The following GRAMD1B variants were observed in gnomAD, a reference collection of about 807,000 sequenced individuals.
GRAMD1B encodes GRAM domain containing 1B.
In GRAMD1B, 37 loss-of-function variants were observed where a neutral mutation model predicts 99.7. That is an observed-to-expected ratio of 0.37 (90% CI 0.29 to 0.49). The LOEUF (loss-of-function observed/expected upper bound fraction) is 0.49, where lower values mean the gene tolerates loss of function less well. GRAMD1B is among the 20% of genes least tolerant of loss of function. The pLI, the probability that GRAMD1B is intolerant of heterozygous loss-of-function variation, is 0.98. For missense variants in GRAMD1B, 888 were observed against 1,009.2 expected (o/e 0.88, Z 1.63); for synonymous variants, 427 against 387.6 (o/e 1.10, Z -1.19).
At chr11:123,413,588 T>C (rs1212405692) in intron 1 of GRAMD1B, among the ~76,000 whole-genome samples, 1 of 152,124 alleles carries the variant, frequency 6.6e-6, no homozygotes, top group East Asian at 1.9e-4. Context: ...GGTTTACTTC[T>C]ATTTGTTCCC....
At chr11:123,471,433 T>C (rs1951011415) in intron 1 of GRAMD1B, among the ~76,000 whole-genome samples, 1 of 152,136 alleles carries the variant, frequency 6.6e-6, no homozygotes, top group Non-Finnish European at 1.5e-5. Context: ...AGTGTCTGAA[T>C]GAGTCCCGGG....
chr11:123,598,961 C>T (rs1160038318), intron 7 of GRAMD1B: 2 of 1,046,600 alleles, frequency 1.9e-6, no homozygotes, highest in Non-Finnish European at 3.0e-6. Context: ...CTAAGATGGA[C>T]AGGTATGTGA....
At chr11:123,525,896 C>G (rs11219186) in intron 2 of GRAMD1B, 9,110 of 543,136 alleles carry the variant, frequency 0.017, 109 homozygotes, top group Middle Eastern at 0.024. Flanking sequence ...GGCTCCAGCC[C>G]CAGGCTGGAT....
chr11:123,512,277 A>G (rs955405121), intron 2 of GRAMD1B, among the ~76,000 whole-genome samples: 5 of 152,230 alleles, frequency 3.3e-5, no homozygotes, highest in African/African-American at 1.2e-4. Context: ...CAAAGCCTCT[A>G]GTGAACTAGC....
At chr11:123,584,109 A>G (rs1289086900) in intron 3 of GRAMD1B, among the ~76,000 whole-genome samples, 1 of 151,824 alleles carries the variant, frequency 6.6e-6, no homozygotes, top group Non-Finnish European at 1.5e-5. Flanking sequence ...GTGGGCTTCC[A>G]GCATGGACTG....
At chr11:123,522,346 T>G (rs1306695537) in intron 2 of GRAMD1B, among the ~76,000 whole-genome samples, 1 of 152,154 alleles carries the variant, frequency 6.6e-6, no homozygotes, top group African/African-American at 2.4e-5. Context: ...TTTTGGATGG[T>G]CTTGCTCTGT....
chr11:123,567,590 G>A (rs1176774777), intron 2 of GRAMD1B, among the ~76,000 whole-genome samples: 1 of 152,198 alleles, frequency 6.6e-6, no homozygotes, highest in Admixed American at 6.5e-5. Context: ...GTCATTTCGG[G>A]CATGGAGTCC....
At chr11:123,602,169 TAG>T (rs2136753345) in intron 8 of GRAMD1B, among the ~76,000 whole-genome samples, 1 of 152,238 alleles carries the variant, frequency 6.6e-6, no homozygotes, top group African/African-American at 2.4e-5. Flanking sequence ...TCTGCCAGCC[TAG>T]AGTCAGGGCC....
At position 123,608,795 on chromosome 11, in the gene GRAMD1B, C is replaced by G; in HGVS notation, c.1650C>G (p.Arg550=). The change falls in exon 12 of 20, where the codon CGC becomes CGG. Residue 550 remains arginine, a synonymous_variant. Transcript: ENST00000635736. ...PFQRDFMEQR[R]FSDIIFHPWK... ...AGCGGGATTTCATGGAGCAGCGGCG[C>G]TTCTCTGGTCCGTTCTGCTGGGACT... 1 of 1,546,146 alleles carries G rather than the reference C, an allele frequency of 6.5e-7. No homozygotes were observed. The highest frequency in any genetic ancestry group is 8.7e-7 in the Non-Finnish European group (1 of 1,143,280).
intron 1 of GRAMD1B, among the ~76,000 whole-genome samples, chr11:123,412,114 AAATGTATGCAAAAGTTATCAT>A (rs1424318816): frequency 7.2e-5 from 11 of 152,204 alleles, no homozygotes; most frequent in African/African-American, 2.4e-4. Flanking sequence ...CACTTCCAGC[AAATGTATGCAAAAGTTATCAT>A]AAACTAGTTA....
intron 12 of GRAMD1B, among the ~76,000 whole-genome samples, chr11:123,609,180 A>G (rs1953180767): frequency 6.6e-6 from 1 of 151,924 alleles, no homozygotes; most frequent in Non-Finnish European, 1.5e-5. Context: ...CCTCACAGCT[A>G]CCCTGTGTGT....
intron 7 of GRAMD1B, among the ~76,000 whole-genome samples, chr11:123,599,669 C>A (rs934633270): frequency 2.6e-5 from 4 of 152,210 alleles, no homozygotes; most frequent in African/African-American, 9.7e-5. Flanking sequence ...GGCAGGGTTT[C>A]GCCATGTTGG....
chr11:123,580,157 G>A (rs534604942), intron 3 of GRAMD1B, among the ~76,000 whole-genome samples: 4 of 152,334 alleles, frequency 2.6e-5, no homozygotes, highest in African/African-American at 4.8e-5. Context: ...GGACACTGTA[G>A]CATCCCACGT....
rs1429805775 is a variant in GRAMD1B, at chr11:123,626,540, G to C, written c.*3945G>C. ...AAGCTCTTCAGGGCAGCCAAAGCCA[G>C]CCCTTTTCTCCTACTGCCCCCAGGA... is the stretch of plus-strand genomic sequence containing the variant. On this transcript the variant is annotated 3_prime_UTR_variant, in exon 20 of 20. Transcript: ENST00000635736. The C allele has an allele frequency of 6.6e-6, 1 of 152,166 alleles. No individual in the cohort carries two copies. The highest frequency in any genetic ancestry group is 2.4e-5 in the African/African-American group (1 of 41,412). 9.4% of individuals were successfully genotyped at this position (152,166 alleles called of 1,614,324 possible). A position where few individuals can be genotyped will look rare whatever the true frequency, so the allele number is the denominator to read the frequency against.
At chr11:123,494,787 C>T (rs1226746117) in intron 2 of GRAMD1B, among the ~76,000 whole-genome samples, 1 of 152,098 alleles carries the variant, frequency 6.6e-6, no homozygotes, top group African/African-American at 2.4e-5. Context: ...ATTCCATCCT[C>T]CTACCAGCCT....
At chr11:123,523,846 G>GGT (rs1942431948) in intron 2 of GRAMD1B, among the ~76,000 whole-genome samples, 3 of 152,272 alleles carry the variant, frequency 2.0e-5, no homozygotes, top group South Asian at 4.1e-4. Context: ...GTATGGCCTG[G>GGT]GTACAGGCTC....
At chr11:123,531,738 T>G (rs1241223287) in intron 2 of GRAMD1B, among the ~76,000 whole-genome samples, 3 of 144,814 alleles carry the variant, frequency 2.1e-5, no homozygotes, top group African/African-American at 2.8e-5. Flanking sequence ...TGGTTTTTTT[T>G]TTTTTTTTTT....
chr11:123,476,293 G>T (rs374407826), intron 1 of GRAMD1B, among the ~76,000 whole-genome samples: 1 of 152,034 alleles, frequency 6.6e-6, no homozygotes, highest in East Asian at 1.9e-4. Context: ...TAGAGACAGG[G>T]TTTCACCATG....
chr11:123,451,084 G>A (rs1176273941), intron 1 of GRAMD1B, among the ~76,000 whole-genome samples: 1 of 152,158 alleles, frequency 6.6e-6, no homozygotes, highest in Admixed American at 6.5e-5. Context: ...GCAGAGAATG[G>A]CACTCACAAG....
Sources: gnomAD v4.1 joint callset for allele counts (sites outside exome capture counted in the v4.1 genomes callset) on GRCh38, gnomAD v4.1.1 for gene constraint, MANE v1.5 for transcripts, NCBI Gene and HGNC (gene_info 2026-07-23, HGNC 2026-07-21) for gene names.